Variants in CPT1A observed in about 807,000 individuals in gnomAD.
The protein encoded by CPT1A is carnitine O-palmitoyltransferase 1, liver isoform.
A neutral mutation model predicts 100.8 loss-of-function variants in CPT1A; 64 were observed. The ratio of observed to expected loss-of-function variants is 0.63; its 90% confidence interval spans 0.52 to 0.78. CPT1A has a LOEUF of 0.78. CPT1A is among the 30% of genes least tolerant of loss of function. CPT1A has a pLI of 0.00. For synonymous variants in CPT1A, 363 were observed against 396.0 expected (o/e 0.92, Z 0.99); for missense variants, 802 against 1,034.1 (o/e 0.78, Z 3.08).
At chr11:68,785,097 G>T (rs1360268818) in intron 9 of CPT1A, 87 bp from the exon 10 acceptor site, 13 of 1,144,768 alleles carry the variant, frequency 1.1e-5, no homozygotes, top group Non-Finnish European at 1.7e-5. Context: ...TCTGCAAAGG[G>T]CATGGGAGTC....
chr11:68,782,222 G>A (rs901135150), intron 10 of CPT1A, among the ~76,000 whole-genome samples: 3 of 152,106 alleles, frequency 2.0e-5, no homozygotes, highest in Admixed American at 6.5e-5. Context: ...GGCTGGCCCC[G>A]TGGGCAAAGC....
rs112870895 is a variant in CPT1A at position 68,839,371 on chromosome 11, G to T, written c.-14+2404C>A. ...GCCCCGCCCCTTCCCCCAAGCCCCG[G>T]GCGGCGTCACGTGACGGCTGAGAAA... On this transcript the variant is annotated intron_variant, in intron 1 of 18. Transcript: ENST00000265641. 3.5e-3 allele frequency among the ~76,000 whole-genome samples: 533 copies of T among 152,306 alleles called. 4 individuals carry two copies. The highest frequency in any genetic ancestry group is 0.012 in the African/African-American group (507 of 41,584).
At chr11:68,826,441 C>CAA (rs1225143166) in intron 1 of CPT1A, among the ~76,000 whole-genome samples, 1 of 125,550 alleles carries the variant, frequency 8.0e-6, no homozygotes, top group Admixed American at 8.5e-5. Context: ...GACTCCGTCT[C>CAA]AAAAAAAAAA....
chr11:68,779,844 A>AG (rs1310883354), intron 12 of CPT1A, among the ~76,000 whole-genome samples: 1 of 151,420 alleles, frequency 6.6e-6, no homozygotes, highest in African/African-American at 2.4e-5. Flanking sequence ...AGGTGCAGGC[A>AG]GGGGGACAGG....
intron 12 of CPT1A, among the ~76,000 whole-genome samples, chr11:68,776,307 G>A (rs1359219490): frequency 6.6e-6 from 1 of 152,172 alleles, no homozygotes; most frequent in African/African-American, 2.4e-5. Context: ...GCTGAGGTGG[G>A]AAGATCACCT....
At chr11:68,818,863 C>T (rs1246192043) in intron 1 of CPT1A, among the ~76,000 whole-genome samples, 1 of 152,004 alleles carries the variant, frequency 6.6e-6, no homozygotes, top group Non-Finnish European at 1.5e-5. Context: ...ATCTCAACAA[C>T]AACAACAACA....
chr11:68,819,982 C>A (rs1383686316), intron 1 of CPT1A, among the ~76,000 whole-genome samples: 1 of 151,912 alleles, frequency 6.6e-6, no homozygotes, highest in Non-Finnish European at 1.5e-5. Context: ...TATAGCCGCA[C>A]CTACAGCAGT....
chr11:68,780,999 C>T (rs534637873), intron 11 of CPT1A, among the ~76,000 whole-genome samples: 5 of 152,180 alleles, frequency 3.3e-5, no homozygotes, highest in Admixed American at 1.3e-4. Context: ...CTGTTGTTAT[C>T]GCAAGGCAAC....
chr11:68,782,444 G>T (rs1855338796), intron 10 of CPT1A, among the ~76,000 whole-genome samples: 1 of 152,210 alleles, frequency 6.6e-6, no homozygotes, highest in Non-Finnish European at 1.5e-5. Flanking sequence ...TTTCAGATGA[G>T]AAAACTGAAG....
chr11:68,774,210 C>T (rs180951201), intron 13 of CPT1A, among the ~76,000 whole-genome samples: 1 of 152,276 alleles, frequency 6.6e-6, no homozygotes, highest in East Asian at 1.9e-4. Context: ...CGCTTTTAAA[C>T]TTGGTCTCTC....
intron 1 of CPT1A, among the ~76,000 whole-genome samples, chr11:68,838,571 T>TAAAAAAAAAAAAAAAA (rs1177976460): frequency 0.045 from 3,321 of 74,052 alleles, 926 homozygotes; most frequent in South Asian, 0.073. Flanking sequence ...CTGCACCTTT[T>TAAAAAAAAAAAAAAAA]TAAAAAAAAA....
intron 9 of CPT1A, among the ~76,000 whole-genome samples, chr11:68,788,903 G>A (rs936078957): frequency 1.2e-4 from 18 of 152,114 alleles, no homozygotes; most frequent in Admixed American, 1.0e-3. Flanking sequence ...CAGTAAGACT[G>A]GAAATGTCAA....
rs780084139 is a variant in CPT1A at position 68,812,543 on chromosome 11, G to A, written c.175C>T (p.Pro59Ser). 1.9e-6 allele frequency: 3 copies of A among 1,614,142 alleles called. No individual in the cohort carries two copies. The East Asian group carries it at 6.7e-5, about 36-fold the overall frequency. Reference protein sequence around the residue: ...GIITGVYPASPSSWLIVVVGV... With the variant: ...GIITGVYPASSSSWLIVVVGV... The stretch of plus-strand genomic sequence containing the variant: ...ACCACCACGATAAGCCAACTGGAGG[G>A]GCTTGCCGGGTACACGCCAGTGATG... Residue 59 changes from proline to serine, a missense_variant, in exon 3 of 19, where the codon CCC (proline) becomes TCC (serine). Coordinates refer to ENST00000265641, the MANE Select transcript of CPT1A (RefSeq NM_001876.4).
intron 18 of CPT1A, 119 bp downstream of exon 18, chr11:68,759,450 A>G (rs960232062): frequency 1.3e-6 from 1 of 760,052 alleles, no homozygotes; most frequent in Non-Finnish European, 2.3e-6. Flanking sequence ...AATTCCCGAA[A>G]TCAAGTAAAA....
At chr11:68,842,195 TTA>T (rs1208188324), upstream of CPT1A, among the ~76,000 whole-genome samples, 3 of 152,172 alleles carry the variant, frequency 2.0e-5, no homozygotes, top group African/African-American at 7.2e-5. Context: ...TCCTCGCGAC[TTA>T]TCTATCGGCA....
chr11:68,796,304 C>T (rs1284572653), intron 7 of CPT1A, among the ~76,000 whole-genome samples: 1 of 152,070 alleles, frequency 6.6e-6, no homozygotes, highest in East Asian at 1.9e-4. Context: ...CACCTGTAAT[C>T]CCAGCACTTA....
At chr11:68,795,926 A>G (rs932449319) in intron 7 of CPT1A, among the ~76,000 whole-genome samples, 1 of 152,060 alleles carries the variant, frequency 6.6e-6, no homozygotes, top group African/African-American at 2.4e-5. Flanking sequence ...AAAAGAAAAG[A>G]AAAAGTAAAT....
Position 68,761,541 on chromosome 11 carries a change from A to G in CPT1A, c.2022T>C (p.Leu674=). The G allele has an allele frequency of 6.2e-7, 1 of 1,614,024 alleles. No individual in the cohort carries two copies. The highest frequency in any genetic ancestry group is 8.5e-7 in the Non-Finnish European group (1 of 1,179,998). Residue 674 remains leucine (L), a synonymous_variant, in exon 16 of 19, where the codon CTT becomes CTC. Transcript: ENST00000265641. ...AGAAGTGGAAGAGACTTACTTCCTT[A>G]AGGAAAGGGGACTCCACAGCGAGAT... The part of the protein sequence containing the change: ...SKYLAVESPF[L]KEVLSEPWRL...
chr11:68,805,271 G>A lies in CPT1A; in HGVS notation c.454-1170C>T, dbSNP rs542294953. Reference sequence around the variant, plus strand: ...CTCGAGACCACCTGGCCAACATGGCGAAACCCTGTCTCTATTAAAAATACA... The same window carrying A: ...CTCGAGACCACCTGGCCAACATGGCAAAACCCTGTCTCTATTAAAAATACA... On this transcript the variant is annotated intron_variant, in intron 4 of 18. Coordinates refer to ENST00000265641, the MANE Select transcript of CPT1A (RefSeq NM_001876.4). Among the ~76,000 whole-genome samples the A allele has an allele frequency of 2.9e-4, 44 of 152,140 alleles. 1 individual carries two copies. In the South Asian group the frequency reaches 8.1e-3, roughly 28 times the overall value.
Sources: gnomAD v4.1 joint callset for allele counts (sites outside exome capture counted in the v4.1 genomes callset) on GRCh38, gnomAD v4.1.1 for gene constraint, MANE v1.5 for transcripts, NCBI Gene and HGNC (gene_info 2026-07-23, HGNC 2026-07-21) for gene names.